The following TUBB8B variants were observed in gnomAD, a reference collection of about 807,000 sequenced individuals.
The protein encoded by TUBB8B is HSA18p11 beta-tubulin 4Q pseudogene.
A neutral mutation model predicts 31.9 loss-of-function variants in TUBB8B; 26 were observed. The ratio of observed to expected loss-of-function variants is 0.81; its 90% CI spans 0.60 to 1.13. TUBB8B has a LOEUF of 1.13. Ranked by LOEUF, TUBB8B falls within the 50% of genes most tolerant of loss-of-function variation. The pLI is 0.00. For missense variants in TUBB8B, 467 were observed against 586.7 expected, an observed-to-expected ratio of 0.80 and a Z score of 2.11; for synonymous variants, 173 against 231.0, an observed-to-expected ratio of 0.75 and a Z score of 2.28.
chr18:70,224 G>C, the TUBB8B span, among the ~76,000 whole-genome samples: 2 of 152,186 alleles, frequency 1.3e-5, no homozygotes. Flanking sequence ...AGAGAAAATG[G>C]GTGATTTCCT....
chr18:72,177 CAAAAAA>C, the TUBB8B span, among the ~76,000 whole-genome samples: 5 of 78,728 alleles, frequency 6.4e-5, no homozygotes, highest in Admixed American at 5.8e-4. Flanking sequence ...GACTCCATCT[CAAAAAA>C]AAAAAAAAAA....
chr18:59,952 A>G, the TUBB8B span, among the ~76,000 whole-genome samples: 1 of 151,600 alleles, frequency 6.6e-6, no homozygotes, highest in East Asian at 1.9e-4. Flanking sequence ...CTATTTATGT[A>G]TTGTTTAATT....
chr18:57,562 C>T, the TUBB8B span, among the ~76,000 whole-genome samples: 9 of 151,884 alleles, frequency 5.9e-5, no homozygotes, highest in South Asian at 1.5e-3. Flanking sequence ...GCTGGTATTG[C>T]GTGCCACTGG....
the TUBB8B span, among the ~76,000 whole-genome samples, chr18:65,525 C>T: frequency 2.0e-5 from 3 of 152,088 alleles, no homozygotes; most frequent in African/African-American, 7.2e-5. Context: ...AAAGTCAACA[C>T]CATTTCATCA....
chr18:63,830 C>T, the TUBB8B span, among the ~76,000 whole-genome samples: 1,771 of 147,138 alleles, frequency 0.012, 32 homozygotes, highest in African/African-American at 0.043. Flanking sequence ...TAACCCTAAC[C>T]CCAACCCTTA....
the TUBB8B span, among the ~76,000 whole-genome samples, chr18:72,268 C>T: frequency 6.7e-5 from 10 of 148,606 alleles, no homozygotes; most frequent in East Asian, 4.1e-4. Flanking sequence ...GTAACCTTAA[C>T]GAAATCTGAT....
chr18:47,529 G>A lies in TUBB8B; in HGVS notation c.1196C>T (p.Thr399Met), dbSNP rs555218463. 101 of 1,606,228 alleles carry A rather than the reference G, an allele frequency of 6.3e-5. No homozygotes were observed. The highest frequency in any genetic ancestry group is 5.6e-4 in the African/African-American group (42 of 74,740). Reference protein sequence around the residue: ...FRRKAFLHWYTGEGMDEMEFT... With the variant: ...FRRKAFLHWYMGEGMDEMEFT... The stretch of plus-strand genomic sequence containing the variant: ...TTCCATCTCATCCATGCCCTCGCCC[G>A]TGTACCAGTGGAGGAAGGCCTTGCG... Residue 399 changes from threonine to methionine, a missense_variant, in exon 4 of 4, where the codon ACG (threonine) becomes ATG (methionine). Thr to Met is a moderately conservative substitution (Grantham distance 81, BLOSUM62 -1). Transcript: ENST00000308911.
At chr18:48,768 G>A (rs1905875664) in intron 3 of TUBB8B, 172 bp downstream of exon 3, 4 of 711,018 alleles carry the variant, frequency 5.6e-6, no homozygotes, top group South Asian at 3.0e-5. Flanking sequence ...GGAGACACCG[G>A]GGCCTTCCTC....
At chr18:68,525 C>T in the TUBB8B span, among the ~76,000 whole-genome samples, 1 of 152,280 alleles carries the variant, frequency 6.6e-6, no homozygotes. Context: ...GGGTCTGCCC[C>T]GTGTTTCCTC....
At chr18:49,987 G>A (rs1321702072), upstream of TUBB8B, 2 of 442,148 alleles carry the variant, frequency 4.5e-6, no homozygotes, top group African/African-American at 4.0e-5. Context: ...TAGGAGATCT[G>A]TGGTTAGGAA....
chr18:53,587 G>A, upstream of TUBB8B, among the ~76,000 whole-genome samples: 1 of 151,758 alleles, frequency 6.6e-6, no homozygotes, highest in Non-Finnish European at 1.5e-5. Flanking sequence ...TCCTGCCTCA[G>A]CCTCCCAAGT....
the TUBB8B span, among the ~76,000 whole-genome samples, chr18:65,494 G>A: frequency 2.6e-5 from 4 of 152,188 alleles, 1 homozygote; most frequent in African/African-American, 7.2e-5. Flanking sequence ...AATTTCAATA[G>A]ATGCAGGAAG....
the TUBB8B span, among the ~76,000 whole-genome samples, chr18:69,020 T>C: frequency 6.6e-6 from 1 of 152,240 alleles, no homozygotes. Context: ...AATGTGGTTT[T>C]TCTAAGAACA....
At chr18:68,628 C>T in the TUBB8B span, among the ~76,000 whole-genome samples, 7 of 152,172 alleles carry the variant, frequency 4.6e-5, no homozygotes, top group South Asian at 4.1e-4. Flanking sequence ...ACAATCCACC[C>T]GCCCACAGCT....
At chr18:59,868 T>A in the TUBB8B span, among the ~76,000 whole-genome samples, 1 of 151,790 alleles carries the variant, frequency 6.6e-6, no homozygotes, top group African/African-American at 2.4e-5. Flanking sequence ...ATATGATATA[T>A]CACATTGACT....
At chr18:71,781 G>A in the TUBB8B span, among the ~76,000 whole-genome samples, 2 of 151,972 alleles carry the variant, frequency 1.3e-5, no homozygotes, top group Non-Finnish European at 2.9e-5. Flanking sequence ...TACTCAGGAG[G>A]CTGATGCAGG....
the TUBB8B span, among the ~76,000 whole-genome samples, chr18:57,739 G>A: frequency 6.6e-6 from 1 of 151,866 alleles, no homozygotes; most frequent in African/African-American, 2.4e-5. Flanking sequence ...TCACTGCATT[G>A]TTTTAGTAGA....
chr18:64,976 A>C, the TUBB8B span, among the ~76,000 whole-genome samples: 1 of 152,176 alleles, frequency 6.6e-6, no homozygotes, highest in African/African-American at 2.4e-5. Flanking sequence ...AGAAAGGTAC[A>C]GATCAATGTC....
intron 1 of TUBB8B, 67 bp from the exon 2 acceptor site, chr18:49,304 AC>A: frequency 2.9e-6 from 3 of 1,034,850 alleles, no homozygotes; most frequent in Non-Finnish European, 3.8e-6. Context: ...CCGCTCTCCC[AC>A]CCCCACCCGC....
Sources: allele counts gnomAD v4.1 joint callset (sites outside exome capture counted in the v4.1 genomes callset), GRCh38; gene constraint gnomAD v4.1.1; transcripts MANE v1.5; gene names NCBI Gene and HGNC (gene_info 2026-07-23, HGNC 2026-07-21).